ZBTB20: variants seen among roughly 807,000 people sequenced by gnomAD.
The protein encoded by ZBTB20 is zinc finger and BTB domain containing 20, also known as zinc finger and BTB domain-containing protein 20.
In ZBTB20, 9 loss-of-function variants were observed where a neutral mutation model predicts 56.9. That is an observed-to-expected ratio of 0.16 (90% CI 0.10 to 0.28). The LOEUF (loss-of-function observed/expected upper bound fraction) is 0.28. Ranked by LOEUF, ZBTB20 falls within the 10% of genes least tolerant of loss-of-function variation. ZBTB20 has a pLI of 1.00. For missense variants in ZBTB20, 655 were observed against 1,003.0 expected, an observed-to-expected ratio of 0.65 and a Z score of 4.69; for synonymous variants, 417 against 420.7, an observed-to-expected ratio of 0.99 and a Z score of 0.11.
chr3:115,018,019 C>G (rs1364521342), intron 2 of ZBTB20, among the ~76,000 whole-genome samples: 1 of 151,292 alleles, frequency 6.6e-6, no homozygotes, highest in East Asian at 1.9e-4. Context: ...CTGTTTATGC[C>G]TAAGGATTTT....
intron 11 of ZBTB20, among the ~76,000 whole-genome samples, chr3:114,349,258 C>T (rs1209248973): frequency 2.0e-5 from 3 of 151,064 alleles, no homozygotes; most frequent in Non-Finnish European, 4.4e-5. Flanking sequence ...TATAGGTATT[C>T]TTAGGTCCAA....
At chr3:114,475,807 C>T (rs2040687102) in intron 7 of ZBTB20, among the ~76,000 whole-genome samples, 1 of 152,080 alleles carries the variant, frequency 6.6e-6, no homozygotes, top group Non-Finnish European at 1.5e-5. Flanking sequence ...CTTCCACACC[C>T]TCATCAATAG....
chr3:114,522,106 T>C (rs967068839), intron 6 of ZBTB20, among the ~76,000 whole-genome samples: 1 of 152,074 alleles, frequency 6.6e-6, no homozygotes, highest in Non-Finnish European at 1.5e-5. Context: ...AATGTGTAAA[T>C]AAAATATATA....
At chr3:114,940,708 G>A (rs1200191904) in intron 3 of ZBTB20, among the ~76,000 whole-genome samples, 5 of 146,060 alleles carry the variant, frequency 3.4e-5, no homozygotes, top group South Asian at 2.1e-4. Flanking sequence ...TAGTATTTTC[G>A]GTTTATGTTA....
In ZBTB20 at chr3:114,391,681, G is replaced by A. The variant is rs907191216; in HGVS notation, c.-254-2576C>T. On this transcript the variant is annotated intron_variant, in intron 7 of 11. Transcript: ENST00000675478. ...CACTAGGCTGATAATCTGCTGAACT[G>A]AATTTAAAAAGAATAAACCCTCTTG... Among the ~76,000 whole-genome samples the A allele has an allele frequency of 2.0e-5, 3 of 152,178 alleles. No individual in the cohort carries two copies. The East Asian group carries it at 5.8e-4, about 29-fold the overall frequency.
intron 10 of ZBTB20, among the ~76,000 whole-genome samples, chr3:114,354,408 T>G (rs1322861871): frequency 2.6e-5 from 4 of 152,356 alleles, no homozygotes; most frequent in African/African-American, 9.6e-5. Context: ...AGAGATGTCA[T>G]ATATGACAGT....
chr3:114,763,977 TA>T (rs1373770644), intron 5 of ZBTB20, among the ~76,000 whole-genome samples: 2 of 152,222 alleles, frequency 1.3e-5, no homozygotes, highest in African/African-American at 4.8e-5. Context: ...GGAAGACTAT[TA>T]AAAGACAGGG....
chr3:114,987,711 T>A (rs182011596), intron 2 of ZBTB20, among the ~76,000 whole-genome samples: 1 of 152,250 alleles, frequency 6.6e-6, no homozygotes, highest in Admixed American at 6.5e-5. Flanking sequence ...ACTTGCTCTG[T>A]ACTCAGAGGG....
At chr3:115,005,445 T>A (rs1358437889) in intron 2 of ZBTB20, among the ~76,000 whole-genome samples, 1 of 151,788 alleles carries the variant, frequency 6.6e-6, no homozygotes, top group Admixed American at 6.6e-5. Context: ...TGACTAGATG[T>A]TTAGTTGCTA....
intron 3 of ZBTB20, among the ~76,000 whole-genome samples, chr3:114,901,646 A>T (rs2075124170): frequency 6.6e-6 from 1 of 152,144 alleles, no homozygotes; most frequent in Non-Finnish European, 1.5e-5. Context: ...ATAGAAAAAT[A>T]ATTAAATAAA....
At chr3:114,676,660 A>G (rs1452986085) in intron 6 of ZBTB20, among the ~76,000 whole-genome samples, 1 of 152,140 alleles carries the variant, frequency 6.6e-6, no homozygotes, top group Non-Finnish European at 1.5e-5. Flanking sequence ...TTTACCCATA[A>G]TATTATAAAT....
In ZBTB20 at chr3:114,329,709, GAAAAAAAAAA is replaced by G. The variant is rs57058775; in HGVS notation, c.*9286_*9295del. 5.3e-4 allele frequency: 34 copies of G among 63,926 alleles called. No homozygotes were observed. Among genetic ancestry groups the G allele is most frequent in the African/African-American group, 1.8e-3 (27 of 15,288 alleles). 4.0% of individuals were successfully genotyped at this position (63,926 alleles called of 1,614,324 possible). Reference sequence around the variant, plus strand: ...TGAAACTCTGGTTTTACTTTTTTTGGAAAAAAAAAAAAAAAAAAAAAAAAAAAACAACTCC... The same window carrying G: ...TGAAACTCTGGTTTTACTTTTTTTGGAAAAAAAAAAAAAAAAAACAACTCC... On this transcript the variant is annotated 3_prime_UTR_variant, in exon 12 of 12. Transcript: ENST00000675478.
At chr3:114,456,869 A>G (rs950891766) in intron 7 of ZBTB20, among the ~76,000 whole-genome samples, 1 of 152,228 alleles carries the variant, frequency 6.6e-6, no homozygotes, top group African/African-American at 2.4e-5. Context: ...CAGCAACAAC[A>G]TTGCTACTTA....
At chr3:114,463,886 C>G (rs1202998394) in intron 7 of ZBTB20, among the ~76,000 whole-genome samples, 1 of 152,160 alleles carries the variant, frequency 6.6e-6, no homozygotes, top group Admixed American at 6.5e-5. Context: ...ATGTGGTACT[C>G]AGTAAGTCCT....
chr3:114,619,507 T>C (rs71321416), intron 6 of ZBTB20, among the ~76,000 whole-genome samples: 2 of 152,152 alleles, frequency 1.3e-5, no homozygotes, highest in Non-Finnish European at 2.9e-5. Context: ...GTTTTTTTTT[T>C]AAATTGTTTA....
At chr3:114,831,157 T>C (rs1201025697) in intron 4 of ZBTB20, among the ~76,000 whole-genome samples, 1 of 147,996 alleles carries the variant, frequency 6.8e-6, no homozygotes, top group Non-Finnish European at 1.5e-5. Flanking sequence ...AATGGGTTTA[T>C]CCGCTATTTA....
intron 6 of ZBTB20, among the ~76,000 whole-genome samples, chr3:114,541,587 A>C (rs1449535139): frequency 6.6e-6 from 1 of 152,142 alleles, no homozygotes; most frequent in African/African-American, 2.4e-5. Flanking sequence ...CTGATTACAC[A>C]CTAGCCATCC....
Position 114,663,508 on chromosome 3 carries a change from A to C in ZBTB20, c.-295+30020T>G, listed in dbSNP as rs1191174214. Reference sequence around the variant, plus strand: ...ACGAGCAAAATCACCAGCTAACATCATAATGACAGGATCAAATCCACACAT... The same window carrying C: ...ACGAGCAAAATCACCAGCTAACATCCTAATGACAGGATCAAATCCACACAT... On this transcript the variant is annotated intron_variant, in intron 6 of 11. Transcript: ENST00000675478. Among the ~76,000 whole-genome samples the C allele has an allele frequency of 1.1e-4, 16 of 151,194 alleles. No individual in the cohort carries two copies. The East Asian group carries it at 3.0e-3, about 28-fold the overall frequency.
At chr3:115,034,656 A>C (rs1375468169) in intron 2 of ZBTB20, among the ~76,000 whole-genome samples, 1 of 151,942 alleles carries the variant, frequency 6.6e-6, no homozygotes, top group Non-Finnish European at 1.5e-5. Context: ...AGTTCTGCCC[A>C]AAGTAAGATA....
Sources: allele counts gnomAD v4.1 joint callset (sites outside exome capture counted in the v4.1 genomes callset), GRCh38; gene constraint gnomAD v4.1.1; transcripts MANE v1.5; gene names NCBI Gene and HGNC (gene_info 2026-07-23, HGNC 2026-07-21).